NRIP1: variants seen among roughly 807,000 people sequenced by gnomAD.
NRIP1 encodes the protein nuclear receptor interacting protein 1.
NRIP1 carries 28 observed loss-of-function variants against 75.0 expected under a neutral mutation model. The ratio of observed to expected loss-of-function variants is 0.37; its 90% CI spans 0.28 to 0.51. NRIP1 has a LOEUF of 0.51. Ranked by LOEUF, NRIP1 falls within the 20% of genes least tolerant of loss-of-function variation. The probability of loss-of-function intolerance (pLI) is 0.92; values close to 1 mark genes in which losing one functional copy is unlikely to be tolerated. For missense variants in NRIP1, 1,435 were observed against 1,343.7 expected (o/e 1.07, Z -1.06); for synonymous variants, 526 against 487.6 (o/e 1.08, Z -1.04).
At position 14,966,369 on chromosome 21, in the gene NRIP1, T is replaced by C; in HGVS notation, c.1824A>G (p.Pro608=). ...HSMDLTKSKD[P]PGEKPAQNEG... is the part of the protein sequence containing the mutation. Reference sequence around the variant, plus strand: ...CATTTTGGGCTGGTTTCTCTCCTGGTGGGTCTTTGCTTTTTGTAAGGTCCA... The same window carrying C: ...CATTTTGGGCTGGTTTCTCTCCTGGCGGGTCTTTGCTTTTTGTAAGGTCCA... Residue 608 remains proline (P), a synonymous_variant, in exon 4 of 4, where the codon CCA becomes CCG. Coordinates refer to ENST00000318948, the MANE Select transcript of NRIP1 (RefSeq NM_003489.4). 4.3e-6 allele frequency: 7 copies of C among 1,614,084 alleles called. No homozygotes were observed. The highest frequency in any genetic ancestry group is 5.1e-6 in the Non-Finnish European group (6 of 1,179,970).
At chr21:15,039,667 G>A (rs1018508114) in intron 2 of NRIP1, among the ~76,000 whole-genome samples, 1 of 151,988 alleles carries the variant, frequency 6.6e-6, no homozygotes, top group Admixed American at 6.6e-5. Context: ...AAATATGGTG[G>A]AGTTACAGCA....
intron 3 of NRIP1, among the ~76,000 whole-genome samples, chr21:14,972,155 G>T (rs2086918682): frequency 6.6e-6 from 1 of 151,460 alleles, no homozygotes; most frequent in African/African-American, 2.4e-5. Flanking sequence ...ACCCCTTAAG[G>T]CCTGAACGCA....
At chr21:15,019,525 G>A (rs2088320827) in intron 2 of NRIP1, among the ~76,000 whole-genome samples, 1 of 106,890 alleles carries the variant, frequency 9.4e-6, no homozygotes, top group African/African-American at 3.7e-5. Context: ...GTCTCACTCT[G>A]TCGCCCAAGC....
chr21:14,965,037 ATTCT>A lies in NRIP1; in HGVS notation c.3152_3155del (p.Lys1051MetfsTer10), dbSNP rs1490858698. The stretch of plus-strand genomic sequence containing the variant: ...ATCTTGGAGAGTCTTTTTCATACTC[ATTCT>A]TCTCCGCATCAGTGATAACCCACTT... On this transcript the variant is annotated frameshift_variant, in exon 4 of 4. Transcript: ENST00000318948. LOFTEE classifies it high-confidence loss of function. 1 of 1,613,868 alleles carries A rather than the reference ATTCT, an allele frequency of 6.2e-7. No individual in the cohort carries two copies. The highest frequency in any genetic ancestry group is 1.7e-5 in the Admixed American group (1 of 59,990).
chr21:15,057,465 C>T (rs544784156), intron 1 of NRIP1, among the ~76,000 whole-genome samples: 274 of 152,290 alleles, frequency 1.8e-3, no homozygotes, highest in African/African-American at 6.4e-3. Flanking sequence ...TTCCCTCCAG[C>T]GCAATGCAGG....
chr21:15,064,603 C>G (rs938230971), intron 1 of NRIP1, 142 bp downstream of exon 1: 1 of 152,098 alleles, frequency 6.6e-6, no homozygotes, highest in Non-Finnish European at 1.5e-5. Context: ...AGGATTTCCC[C>G]GGAAACGCGC....
chr21:15,058,741 A>C (rs920351746), intron 1 of NRIP1, among the ~76,000 whole-genome samples: 1 of 152,210 alleles, frequency 6.6e-6, no homozygotes, highest in East Asian at 1.9e-4. Flanking sequence ...TTAAAGCAGT[A>C]ACATATTTAA....
intron 2 of NRIP1, among the ~76,000 whole-genome samples, chr21:15,015,030 T>C (rs1191152084): frequency 6.6e-6 from 1 of 152,146 alleles, no homozygotes; most frequent in African/African-American, 2.4e-5. Context: ...TGCCCATCAA[T>C]AGGTGAATGA....
At chr21:15,043,160 C>T (rs2088994668) in intron 2 of NRIP1, among the ~76,000 whole-genome samples, 1 of 152,178 alleles carries the variant, frequency 6.6e-6, no homozygotes, top group Non-Finnish European at 1.5e-5. Context: ...GTATACTTCA[C>T]ACTGTCTTAG....
chr21:14,964,876 T>A lies in NRIP1; in HGVS notation c.3317A>T (p.Glu1106Val). 2 of 1,613,432 alleles carry A rather than the reference T, an allele frequency of 1.2e-6. No individual in the cohort carries two copies. The highest frequency in any genetic ancestry group is 1.7e-6 in the Non-Finnish European group (2 of 1,179,706). ...AESVSQVTAK[E>V]ELLPTAETKA... ...CGTTTCTGCAGTAGGAAGTAACTCTTCTTTGGCTGTGACCTGTGAGACACT... is the reference window on the plus strand; with the variant it reads ...CGTTTCTGCAGTAGGAAGTAACTCTACTTTGGCTGTGACCTGTGAGACACT... Residue 1106 changes from glutamate (E) to valine (V), a missense_variant, in exon 4 of 4, where the codon GAA becomes GTA. By Grantham distance (121) the Glu-to-Val change is moderately radical (BLOSUM62 -2). Coordinates refer to ENST00000318948, the MANE Select transcript of NRIP1 (RefSeq NM_003489.4).
chr21:14,965,285 T>C lies in NRIP1; in HGVS notation c.2908A>G (p.Thr970Ala), dbSNP rs1224372369. Residue 970 changes from threonine (T) to alanine (A), a missense_variant, in exon 4 of 4, where the codon ACC becomes GCC. Thr to Ala is a moderately conservative substitution (Grantham distance 58, BLOSUM62 0). Coordinates refer to ENST00000318948, the MANE Select transcript of NRIP1 (RefSeq NM_003489.4). ...ATGCTAAATTCAGGTTTGCTGTTGG[T>C]CACATTATTTTTGTGTCCTTTCTTT... ...SKKKGHKNNVTNSKPEFSISS... is the reference protein window; with the variant it reads ...SKKKGHKNNVANSKPEFSISS... The C allele has an allele frequency of 1.9e-6, 3 of 1,613,918 alleles. No homozygotes were observed. Among genetic ancestry groups the C allele is most frequent in the Non-Finnish European group, 2.5e-6 (3 of 1,179,950 alleles).
intron 3 of NRIP1, among the ~76,000 whole-genome samples, chr21:15,012,449 T>TC (rs1294913608): frequency 9.6e-6 from 1 of 104,156 alleles, no homozygotes; most frequent in African/African-American, 5.0e-5. Flanking sequence ...TATAATGTCT[T>TC]TTTTTTTTTT....
Position 14,967,407 on chromosome 21 carries a change from A to G in NRIP1, c.786T>C (p.Ala262=), listed in dbSNP as rs760951757. 4 of 1,614,028 alleles carry G rather than the reference A, an allele frequency of 2.5e-6. No individual in the cohort carries two copies. In the African/African-American group the frequency reaches 5.3e-5, roughly 22 times the overall value. The change falls in exon 4 of 4, where the codon GCT becomes GCC. Residue 262 remains alanine (A), a synonymous_variant. Coordinates refer to ENST00000318948, the MANE Select transcript of NRIP1 (RefSeq NM_003489.4). ...ACAGAAGTAATGCTAACTGGCTACA[A>G]GCAACACTAGGTTTAGGTGAGGTGG... ...SPATSPKPSV[A]CSQLALLLSS... is the part of the protein sequence containing the mutation.
intron 3 of NRIP1, among the ~76,000 whole-genome samples, chr21:15,005,028 T>C (rs1023905708): frequency 2.6e-5 from 4 of 152,216 alleles, no homozygotes; most frequent in African/African-American, 9.6e-5. Context: ...GAAAAGTTTA[T>C]CTGAGAATTT....
intron 3 of NRIP1, among the ~76,000 whole-genome samples, chr21:14,971,033 A>ATATTAAGAATAATCATCTCT (rs1188179629): frequency 6.6e-6 from 1 of 152,238 alleles, no homozygotes; most frequent in Non-Finnish European, 1.5e-5. Flanking sequence ...TAGATGACAG[A>ATATTAAGAATAATCATCTCT]TATTAAGAAT....
intron 1 of NRIP1, among the ~76,000 whole-genome samples, chr21:15,061,448 GAC>G (rs1318397431): frequency 6.6e-6 from 1 of 152,152 alleles, no homozygotes. Flanking sequence ...CAAAGATCTA[GAC>G]AGTGTTTATT....
intron 3 of NRIP1, among the ~76,000 whole-genome samples, chr21:14,985,895 A>C (rs1477600156): frequency 6.6e-6 from 1 of 152,200 alleles, no homozygotes; most frequent in Admixed American, 6.5e-5. Flanking sequence ...GATATTAAGA[A>C]ATGAAGTATC....
rs528077071 is a variant in NRIP1 at position 14,968,214 on chromosome 21, G to C, written c.-22C>G. 2.6e-6 allele frequency: 4 copies of C among 1,538,226 alleles called. No individual in the cohort carries two copies. The highest frequency in any genetic ancestry group is 3.5e-6 in the Non-Finnish European group (4 of 1,130,808). ...TCATGTTCAATAGAAGTGTTCACAA[G>C]GGCTTGGTTTCTATTCACTTTAAAG... On this transcript the variant is annotated 5_prime_UTR_variant, in exon 4 of 4. Coordinates refer to ENST00000318948, the MANE Select transcript of NRIP1 (RefSeq NM_003489.4).
chr21:15,022,280 C>T (rs186511484), intron 2 of NRIP1, among the ~76,000 whole-genome samples: 45 of 152,202 alleles, frequency 3.0e-4, no homozygotes, highest in African/African-American at 9.1e-4. Flanking sequence ...CAAACTAACG[C>T]GGAACAGAAA....
Sources: gnomAD v4.1 joint callset for allele counts (sites outside exome capture counted in the v4.1 genomes callset) on GRCh38, gnomAD v4.1.1 for gene constraint, MANE v1.5 for transcripts, NCBI Gene and HGNC (gene_info 2026-07-23, HGNC 2026-07-21) for gene names.